NSRP1: variants seen among roughly 807,000 people sequenced by gnomAD.
NSRP1 encodes the protein nuclear speckle splicing regulatory protein 1.
A neutral mutation model predicts 54.7 loss-of-function variants in NSRP1; 24 were observed. That is an observed-to-expected ratio of 0.44 (90% CI 0.32 to 0.62). The LOEUF is 0.62. NSRP1 is among the 20% of genes least tolerant of loss of function. The pLI, the probability that NSRP1 is intolerant of heterozygous loss-of-function variation, is 0.06. For missense variants in NSRP1, 596 were observed against 651.2 expected (o/e 0.92, Z 0.92); for synonymous variants, 210 against 213.8 (o/e 0.98, Z 0.15).
chr17:30,162,325 C>A (rs1460812868), intron 2 of NSRP1, among the ~76,000 whole-genome samples: 1 of 152,158 alleles, frequency 6.6e-6, no homozygotes, highest in Admixed American at 6.5e-5. Context: ...CCACTGCGCC[C>A]AGCCAGCCAT....
intron 6 of NSRP1, among the ~76,000 whole-genome samples, chr17:30,184,070 T>C (rs1905415982): frequency 6.6e-6 from 1 of 152,104 alleles, no homozygotes; most frequent in African/African-American, 2.4e-5. Flanking sequence ...GGCATGGTGG[T>C]GCAGGCCTGT....
At chr17:30,139,618 T>C (rs974588126) in intron 2 of NSRP1, among the ~76,000 whole-genome samples, 3 of 152,138 alleles carry the variant, frequency 2.0e-5, no homozygotes, top group Admixed American at 2.0e-4. Flanking sequence ...TTGATTTTGC[T>C]CTCCCTCTTT....
At position 30,185,330 on chromosome 17, in the gene NSRP1, C is replaced by G; in HGVS notation, c.1333C>G (p.Gln445Glu). ...RDREKREVGV[Q>E]SSERNQDRKE... ...TAGAGAAAAACGAGAGGTAGGTGTT[C>G]AGTCTTCAGAAAGAAATCAAGACAG... is the stretch of plus-strand genomic sequence containing the variant. Residue 445 changes from glutamine (Q) to glutamate (E), a missense_variant, in exon 7 of 7, where the codon CAG (glutamine) becomes GAG (glutamate). Coordinates refer to ENST00000247026, the MANE Select transcript of NSRP1 (RefSeq NM_032141.4). 6 of 1,609,170 alleles carry G rather than the reference C, an allele frequency of 3.7e-6. No individual in the cohort carries two copies. The highest frequency in any genetic ancestry group is 5.1e-6 in the Non-Finnish European group (6 of 1,178,784).
chr17:30,185,574 G>A lies in NSRP1; in HGVS notation c.1577G>A (p.Arg526Gln), dbSNP rs778726681. The A allele has an allele frequency of 1.4e-5, 22 of 1,613,966 alleles. No individual in the cohort carries two copies. The highest frequency in any genetic ancestry group is 2.2e-5 in the East Asian group (1 of 44,886). Residue 526 changes from arginine (R) to glutamine (Q), a missense_variant, in exon 7 of 7, where the codon CGG (arginine) becomes CAG (glutamine). Coordinates refer to ENST00000247026, the MANE Select transcript of NSRP1 (RefSeq NM_032141.4). ...GAGGCAGTGAGCAAGTTTGCAAAGC[G>A]GAACAATGAAGAAACTGTAATGTCA... ...PPEAVSKFAK[R>Q]NNEETVMSAR...
At chr17:30,150,705 T>G (rs2071900427) in intron 2 of NSRP1, 2 of 141,014 alleles carry the variant, frequency 1.4e-5, no homozygotes, top group African/African-American at 5.3e-5. Flanking sequence ...TTTTTTTTTT[T>G]TTTTTGGAAT....
rs572945381 is a variant in NSRP1 at position 30,150,927 on chromosome 17, A to T, written c.115-21615A>T. Among the ~76,000 whole-genome samples, 24 of 151,780 alleles carry T rather than the reference A, an allele frequency of 1.6e-4. No individual in the cohort carries two copies. The South Asian group carries it at 4.2e-3, about 26-fold the overall frequency. On this transcript the variant is annotated intron_variant, in intron 2 of 6. Coordinates refer to ENST00000247026, the MANE Select transcript of NSRP1 (RefSeq NM_032141.4). ...GGTCTTGAACTCCTGACCTTAGGTG[A>T]TCTGCTCACCTCGGCCTCCCAAAAT...
intron 2 of NSRP1, among the ~76,000 whole-genome samples, chr17:30,154,011 T>C (rs186083907): frequency 4.6e-5 from 7 of 152,264 alleles, no homozygotes; most frequent in Admixed American, 3.9e-4. Context: ...TTTTGTCTTA[T>C]TTTAAAAGAT....
At chr17:30,173,514 CTTTG>C (rs893223001) in intron 3 of NSRP1, among the ~76,000 whole-genome samples, 1 of 151,740 alleles carries the variant, frequency 6.6e-6, no homozygotes, top group African/African-American at 2.4e-5. Flanking sequence ...AGCGAGGTGC[CTTTG>C]TTTTTCATTT....
rs77447618 is a variant in NSRP1, at chr17:30,156,961, A to G, written c.115-15581A>G. On this transcript the variant is annotated intron_variant, in intron 2 of 6. Coordinates refer to ENST00000247026, the MANE Select transcript of NSRP1 (RefSeq NM_032141.4). ...AGTGCTGCAGTAAACATAAAAGTGC[A>G]TGTATCCTTTTGATATACTGATTTT... is the stretch of plus-strand genomic sequence containing the variant. Among the ~76,000 whole-genome samples the G allele has an allele frequency of 7.2e-3, 1,104 of 152,322 alleles. 20 individuals carry two copies. The highest frequency in any genetic ancestry group is 0.025 in the African/African-American group (1,048 of 41,564).
Position 30,148,090 on chromosome 17 carries a change from C to T in NSRP1, c.115-24452C>T, listed in dbSNP as rs140462088. On this transcript the variant is annotated intron_variant, in intron 2 of 6. Coordinates refer to ENST00000247026, the MANE Select transcript of NSRP1 (RefSeq NM_032141.4). Reference sequence around the variant, plus strand: ...TCAGCCTCCCAAAGTGTTAGGATTACAGGCGTGAGTCACTGTGCCTAGCCT... The same window carrying T: ...TCAGCCTCCCAAAGTGTTAGGATTATAGGCGTGAGTCACTGTGCCTAGCCT... 5.9e-5 allele frequency among the ~76,000 whole-genome samples: 9 copies of T among 152,346 alleles called. No homozygotes were observed. The East Asian group carries it at 1.7e-3, about 29-fold the overall frequency.
At chr17:30,169,679 T>C (rs2143007857) in intron 2 of NSRP1, among the ~76,000 whole-genome samples, 1 of 152,184 alleles carries the variant, frequency 6.6e-6, no homozygotes, top group African/African-American at 2.4e-5. Context: ...CTATTACTGT[T>C]TTTGTTATCA....
chr17:30,119,984 G>T (rs559626603), intron 2 of NSRP1, among the ~76,000 whole-genome samples: 9 of 152,078 alleles, frequency 5.9e-5, no homozygotes, highest in Admixed American at 3.9e-4. Context: ...AAATGTATAT[G>T]CCCCAATCAA....
chr17:30,130,595 TACAG>T (rs1024016697), intron 2 of NSRP1, among the ~76,000 whole-genome samples: 1 of 152,198 alleles, frequency 6.6e-6, no homozygotes, highest in African/African-American at 2.4e-5. Context: ...TTCAAAATCT[TACAG>T]ACATTAGTGA....
At chr17:30,152,003 A>G (rs2071916195) in intron 2 of NSRP1, among the ~76,000 whole-genome samples, 1 of 152,032 alleles carries the variant, frequency 6.6e-6, no homozygotes, top group Non-Finnish European at 1.5e-5. Flanking sequence ...TCCTGACCTC[A>G]GGTGATCTAC....
At chr17:30,139,064 C>T (rs1212465707) in intron 2 of NSRP1, among the ~76,000 whole-genome samples, 1 of 150,564 alleles carries the variant, frequency 6.6e-6, no homozygotes, top group African/African-American at 2.5e-5. Context: ...ACTATAGGCG[C>T]CTGCTACCAT....
intron 3 of NSRP1, among the ~76,000 whole-genome samples, chr17:30,174,881 T>C (rs533084427): frequency 1.3e-5 from 2 of 152,330 alleles, no homozygotes; most frequent in African/African-American, 4.8e-5. Context: ...AAAGCTTCAT[T>C]AAGAGTTTTT....
intron 2 of NSRP1, chr17:30,127,801 A>C: frequency 2.6e-6 from 1 of 387,124 alleles, no homozygotes; most frequent in South Asian, 1.4e-4. Context: ...TTATTAACTT[A>C]GTTTTACATT....
intron 3 of NSRP1, among the ~76,000 whole-genome samples, chr17:30,176,098 GTTGTTGTTGTT>G (rs1361839019): frequency 3.2e-5 from 4 of 124,660 alleles, no homozygotes; most frequent in African/African-American, 9.9e-5. Context: ...TTTTTTTGTT[GTTGTTGTTGTT>G]TTGTTTTGTT....
intron 2 of NSRP1, among the ~76,000 whole-genome samples, chr17:30,165,948 A>G (rs1289480215): frequency 1.3e-5 from 2 of 152,200 alleles, no homozygotes; most frequent in African/African-American, 4.8e-5. Flanking sequence ...TAAATATACT[A>G]TAAAGAGGAA....
Sources: gnomAD v4.1 joint callset for allele counts (sites outside exome capture counted in the v4.1 genomes callset) on GRCh38, gnomAD v4.1.1 for gene constraint, MANE v1.5 for transcripts, NCBI Gene and HGNC (gene_info 2026-07-23, HGNC 2026-07-21) for gene names.